CCDC171: variants seen among roughly 807,000 people sequenced by gnomAD.
The protein encoded by CCDC171 is coiled-coil domain-containing protein 171.
In CCDC171, 177 loss-of-function variants were observed where a neutral mutation model predicts 168.2. The observed-to-expected ratio is 1.05, with a 90% CI of 0.93 to 1.19. The LOEUF is 1.19. Ranked by LOEUF, CCDC171 falls within the 50% of genes most tolerant of loss-of-function variation. The pLI, the probability that CCDC171 is intolerant of heterozygous loss-of-function variation, is 0.00. For missense variants in CCDC171, 1,991 were observed against 1,539.0 expected, an observed-to-expected ratio of 1.29 and a Z score of -4.91; for synonymous variants, 687 against 540.8, an observed-to-expected ratio of 1.27 and a Z score of -3.75.
Position 15,623,465 on chromosome 9 carries a change from G to GCGCGCGCGCGCGCGCA in CCDC171, c.822+63_822+64insGCGCACGCGCGCGCGC, listed in dbSNP as rs764237918. 1.4e-5 allele frequency: 8 copies of GCGCGCGCGCGCGCGCA among 552,340 alleles called. 1 individual carries two copies. The South Asian group carries it at 1.6e-4, about 11-fold the overall frequency. 34.2% of individuals were successfully genotyped at this position (552,340 alleles called of 1,614,324 possible). On this transcript the variant is annotated intron_variant, in intron 7 of 25. Transcript: ENST00000380701. ...TATATGCGTACAAACTTTCACATATGCGCGCGCGCGCACACACACACACAC... is the reference window on the plus strand; with the variant it reads ...TATATGCGTACAAACTTTCACATATGCGCGCGCGCGCGCGCACGCGCGCGCGCACACACACACACAC...
intron 8 of CCDC171, 95 bp from the exon 9 acceptor site, chr9:15,666,068 A>G: frequency 9.4e-7 from 1 of 1,063,136 alleles, no homozygotes; most frequent in Admixed American, 2.5e-5. Context: ...TGCTTGGATG[A>G]ATGATAATCT....
At chr9:15,702,902 GT>G (rs35364758) in intron 11 of CCDC171, among the ~76,000 whole-genome samples, 66,191 of 142,978 alleles carry the variant, frequency 0.46, 15,323 homozygotes, top group East Asian at 0.77. Context: ...TAGGGCCTTG[GT>G]TTTTTTTTTT....
intron 7 of CCDC171, among the ~76,000 whole-genome samples, chr9:15,631,270 G>A (rs428485): frequency 0.54 from 81,371 of 150,388 alleles, 22,264 homozygotes; most frequent in East Asian, 0.76. Context: ...TTGATAGACA[G>A]CTAGCAAGAC....
chr9:16,051,991 G>A (rs1325733608), intron 1 of CCDC171, among the ~76,000 whole-genome samples: 1 of 152,176 alleles, frequency 6.6e-6, no homozygotes, highest in Non-Finnish European at 1.5e-5. Flanking sequence ...CGTGAGACTT[G>A]TTCACTATCG....
At chr9:15,558,314 A>G (rs980700276) in intron 1 of CCDC171, among the ~76,000 whole-genome samples, 19 of 152,156 alleles carry the variant, frequency 1.2e-4, no homozygotes, top group African/African-American at 3.9e-4. Context: ...AAGGAATGGT[A>G]CCAGCTCCTC....
intron 6 of CCDC171, among the ~76,000 whole-genome samples, chr9:15,613,514 CT>C (rs766679864): frequency 4.7e-5 from 7 of 149,764 alleles, no homozygotes; most frequent in African/African-American, 1.2e-4. Context: ...TTGCATTTTT[CT>C]TTTTTTCTTT....
At chr9:15,771,857 A>G (rs2057030310) in intron 18 of CCDC171, among the ~76,000 whole-genome samples, 1 of 152,142 alleles carries the variant, frequency 6.6e-6, no homozygotes, top group Non-Finnish European at 1.5e-5. Flanking sequence ...CGGGCGGGGC[A>G]GAGGCTGTCT....
At chr9:15,900,993 ATTTT>A (rs1171552246) in intron 24 of CCDC171, among the ~76,000 whole-genome samples, 2 of 152,152 alleles carry the variant, frequency 1.3e-5, no homozygotes, top group Admixed American at 1.3e-4. Flanking sequence ...GCACACTCTT[ATTTT>A]TAAGTCAGCT....
chr9:16,013,571 C>T (rs1014900658), intron 3 of CCDC171, among the ~76,000 whole-genome samples: 32 of 152,286 alleles, frequency 2.1e-4, no homozygotes, highest in South Asian at 1.2e-3. Context: ...CCAATGCCTA[C>T]GGGGCAAATT....
At chr9:15,584,494 G>A (rs2041396353) in intron 4 of CCDC171, among the ~76,000 whole-genome samples, 1 of 152,174 alleles carries the variant, frequency 6.6e-6, no homozygotes, top group Admixed American at 6.5e-5. Context: ...AAAAGTATAT[G>A]TTCCAATGTA....
intron 23 of CCDC171, among the ~76,000 whole-genome samples, chr9:15,873,831 C>T (rs180814562): frequency 9.2e-4 from 140 of 152,130 alleles, no homozygotes; most frequent in Middle Eastern, 6.8e-3. Context: ...TTTCCCATAT[C>T]GGTGATGTGT....
chr9:15,725,903 A>G (rs144090319), intron 14 of CCDC171, among the ~76,000 whole-genome samples: 2 of 152,282 alleles, frequency 1.3e-5, no homozygotes, highest in East Asian at 3.9e-4. Flanking sequence ...TTGCCTACCC[A>G]TTTATGTTTA....
At chr9:15,871,553 A>G (rs2062039100) in intron 23 of CCDC171, among the ~76,000 whole-genome samples, 1 of 151,908 alleles carries the variant, frequency 6.6e-6, no homozygotes, top group Admixed American at 6.6e-5. Context: ...TTAGATCCTC[A>G]TTCTTGAAAA....
intron 1 of CCDC171, among the ~76,000 whole-genome samples, chr9:16,058,458 G>T (rs1042848366): frequency 6.6e-6 from 1 of 152,164 alleles, no homozygotes. Flanking sequence ...TCACCTCCCC[G>T]TCCAGATGTG....
At chr9:15,818,993 T>A (rs1016808550) in intron 21 of CCDC171, among the ~76,000 whole-genome samples, 1 of 116,916 alleles carries the variant, frequency 8.6e-6, no homozygotes, top group African/African-American at 3.2e-5. Context: ...ACAGCGGATC[T>A]CTCGGCAGAA....
chr9:15,937,710 C>T (rs1827263475), intron 25 of CCDC171, among the ~76,000 whole-genome samples: 1 of 151,842 alleles, frequency 6.6e-6, no homozygotes, highest in African/African-American at 2.4e-5. Context: ...TGAATTTATG[C>T]CAAGCTTAAT....
chr9:15,970,382 G>T (rs1255352881), intron 25 of CCDC171, among the ~76,000 whole-genome samples: 1 of 151,436 alleles, frequency 6.6e-6, no homozygotes. Flanking sequence ...ACTGTAAGAG[G>T]ATCTACTAAA....
rs969252935 is a variant in CCDC171 at position 15,850,325 on chromosome 9, C to G, written c.3468+1378C>G. On this transcript the variant is annotated intron_variant, in intron 23 of 25. Coordinates refer to ENST00000380701, the MANE Select transcript of CCDC171 (RefSeq NM_173550.4). ...CCAATATGAAATGTAAGTGTTGTAC[C>G]TTCTTCTTTTCTTATGAAAATGGCA... The G allele has an allele frequency of 2.0e-5, 3 of 151,970 alleles. No homozygotes were observed. The South Asian group carries it at 6.2e-4, about 32-fold the overall frequency. 9.4% of individuals were successfully genotyped at this position (151,970 alleles called of 1,614,324 possible).
At position 15,587,576 on chromosome 9, in the gene CCDC171, A is replaced by T. The variant is rs549516381; in HGVS notation, c.353-3790A>T. On this transcript the variant is annotated intron_variant, in intron 4 of 25. Transcript: ENST00000380701. ...CAAAAAAACAGACGAATACAAAGCC[A>T]GGAGGAAGAACCTAATGATACTGAT... is the stretch of plus-strand genomic sequence containing the variant. 8 of 454,130 alleles carry T rather than the reference A, an allele frequency of 1.8e-5. No homozygotes were observed. The East Asian group carries it at 5.6e-4, about 32-fold the overall frequency. 28.1% of individuals were successfully genotyped at this position (454,130 alleles called of 1,614,324 possible). A position where few individuals can be genotyped will look rare whatever the true frequency, so the allele number is the denominator to read the frequency against.
Sources: gnomAD v4.1 joint callset for allele counts (sites outside exome capture counted in the v4.1 genomes callset) on GRCh38, gnomAD v4.1.1 for gene constraint, MANE v1.5 for transcripts, NCBI Gene and HGNC (gene_info 2026-07-23, HGNC 2026-07-21) for gene names.